Variants in APOBEC3F observed in about 807,000 individuals in gnomAD.
APOBEC3F encodes the protein DNA dC->dU-editing enzyme APOBEC-3F.
APOBEC3F carries 34 observed loss-of-function variants against 45.8 expected under a neutral mutation model. The ratio of observed to expected loss-of-function variants is 0.74; its 90% confidence interval spans 0.57 to 0.99. The LOEUF (loss-of-function observed/expected upper bound fraction) is 0.99. APOBEC3F is among the 50% of genes least tolerant of loss of function. The pLI, the probability that APOBEC3F is intolerant of heterozygous loss-of-function variation, is 0.00. For synonymous variants in APOBEC3F, 192 were observed against 174.4 expected (o/e 1.10, Z -0.80); for missense variants, 459 against 474.1 (o/e 0.97, Z 0.30).
At chr22:39,043,280 T>G (rs1033477236) in intron 2 of APOBEC3F, among the ~76,000 whole-genome samples, 190 bp downstream of exon 2, 3 of 150,606 alleles carry the variant, frequency 2.0e-5, no homozygotes, top group Non-Finnish European at 4.4e-5. Context: ...GGGTTTGCCT[T>G]TGCACAAAAG....
rs193095333 is a variant in APOBEC3F at position 39,052,979 on chromosome 22, T to C, written c.*284T>C. ...CCTGCCTTTTCCCATCTCCCCAGCA[T>C]AACCTAATATTTTTTTTTTTTTTTT... is the stretch of plus-strand genomic sequence containing the variant. On this transcript the variant is annotated 3_prime_UTR_variant, in exon 7 of 7. Transcript: ENST00000308521. 3 of 390,268 alleles carry C rather than the reference T, an allele frequency of 7.7e-6. No homozygotes were observed. The highest frequency in any genetic ancestry group is 1.2e-5 in the Non-Finnish European group (3 of 248,802). 24.2% of individuals were successfully genotyped at this position (390,268 alleles called of 1,614,324 possible). A position where few individuals can be genotyped will look rare whatever the true frequency, so the allele number is the denominator to read the frequency against.
intron 4 of APOBEC3F, among the ~76,000 whole-genome samples, chr22:39,048,592 G>A (rs966179933): frequency 2.0e-5 from 3 of 151,654 alleles, no homozygotes; most frequent in African/African-American, 7.3e-5. Context: ...CAGATCACAA[G>A]GTCAGGAGTT....
chr22:39,044,194 G>T (rs76919915), intron 2 of APOBEC3F: 20,414 of 1,610,330 alleles, frequency 0.013, 178 homozygotes, highest in Non-Finnish European at 0.015. Flanking sequence ...GCTGACCGCA[G>T]GCAGGGAACA....
In APOBEC3F at chr22:39,043,089, A is replaced by G. The variant is rs1173609112; in HGVS notation, c.170A>G (p.Gln57Arg). ...PRLDAKIFRG[Q>R]VYSQPEHHAE... is the part of the protein sequence containing the mutation. ...TTGGACGCAAAGATCTTTCGAGGCC[A>G]GGTACCACCCGGACTTCAATCACTT... The change falls in exon 2 of 7, where the codon CAG becomes CGG. Residue 57 changes from glutamine (Q) to arginine (R), a missense_variant and splice_region_variant. Gln to Arg is a conservative substitution (Grantham distance 43, BLOSUM62 1). Transcript: ENST00000308521. 3 of 1,613,970 alleles carry G rather than the reference A, an allele frequency of 1.9e-6. No homozygotes were observed. The Admixed American group carries it at 5.0e-5, about 27-fold the overall frequency.
At position 39,044,952 on chromosome 22, in the gene APOBEC3F, G is replaced by A; in HGVS notation, c.183G>A (p.Gln61=). The A allele has an allele frequency of 6.2e-7, 1 of 1,613,786 alleles. No homozygotes were observed. Among genetic ancestry groups the A allele is most frequent in the Non-Finnish European group, 8.5e-7 (1 of 1,179,954 alleles). ...TGCTCCTCTCCCAGGTGTATTCCCA[G>A]CCTGAGCACCACGCAGAAATGTGCT... is the stretch of plus-strand genomic sequence containing the variant. The part of the protein sequence containing the change: ...AKIFRGQVYS[Q]PEHHAEMCFL... Residue 61 remains glutamine, a synonymous_variant, in exon 3 of 7, where the codon CAG becomes CAA. Coordinates refer to ENST00000308521, the MANE Select transcript of APOBEC3F (RefSeq NM_145298.6).
chr22:39,040,902 C>T lies in APOBEC3F; in HGVS notation c.-59C>T, dbSNP rs1926845304. ...CTGTCCTGAAACCTGGAGCCTGGAG[C>T]AGAAAGTGAAACCCTGGTGCTCCAG... is the stretch of plus-strand genomic sequence containing the variant. On this transcript the variant is annotated 5_prime_UTR_variant, in exon 1 of 7. Transcript: ENST00000308521. The T allele has an allele frequency of 2.6e-6, 4 of 1,554,088 alleles. No homozygotes were observed. The highest frequency in any genetic ancestry group is 2.6e-6 in the Non-Finnish European group (3 of 1,148,170).
chr22:39,043,298 G>GGTT (rs1569068674), intron 2 of APOBEC3F, among the ~76,000 whole-genome samples: 4 of 120,070 alleles, frequency 3.3e-5, no homozygotes, highest in Non-Finnish European at 5.2e-5. Context: ...AAGGCCTTGT[G>GGTT]TTTTTTTTTT....
In APOBEC3F at chr22:39,049,431, G is replaced by T. The variant is rs33913356; in HGVS notation, c.573G>T (p.Pro191=). The change falls in exon 5 of 7, where the codon CCG becomes CCT. Residue 191 remains proline (P), a synonymous_variant. Transcript: ENST00000308521. The stretch of plus-strand genomic sequence containing the variant: ...TTCTCTATTGTGCCTTCAGAAACCC[G>T]ATGGAGGCAATGTATCCACACATAT... The part of the protein sequence containing the change: ...HRTLKEILRN[P]MEAMYPHIFY... The T allele has an allele frequency of 6.2e-7, 1 of 1,613,974 alleles. No homozygotes were observed. Among genetic ancestry groups the T allele is most frequent in the South Asian group, 1.1e-5 (1 of 91,062 alleles).
At chr22:39,046,422 G>C (rs995878405) in intron 4 of APOBEC3F, among the ~76,000 whole-genome samples, 1 of 151,994 alleles carries the variant, frequency 6.6e-6, no homozygotes, top group Admixed American at 6.6e-5. Context: ...TCTCCCAGGC[G>C]AGTCCTGCCC....
At chr22:39,041,470 A>G (rs1457692163) in intron 1 of APOBEC3F, among the ~76,000 whole-genome samples, 1 of 152,150 alleles carries the variant, frequency 6.6e-6, no homozygotes, top group Admixed American at 6.5e-5. Flanking sequence ...CGTATCTTCC[A>G]AGGATGTCTC....
At chr22:39,046,450 C>G (rs558304435) in intron 4 of APOBEC3F, among the ~76,000 whole-genome samples, 53 of 152,166 alleles carry the variant, frequency 3.5e-4, no homozygotes, top group Admixed American at 3.1e-3. Flanking sequence ...CACAGCCCCT[C>G]CCTCCAGACC....
At chr22:39,044,432 C>G (rs991457589) in intron 2 of APOBEC3F, 2 of 1,343,238 alleles carry the variant, frequency 1.5e-6, no homozygotes, top group African/African-American at 3.0e-5. Context: ...GAGTTCTGGC[C>G]TCTGGGAAGT....
rs1391194745 is a variant in APOBEC3F, at chr22:39,052,730, A to T, written c.*35A>T. ...CCGGGCCTCATGGTCTGTCTCCTCTAGCCTCCTGCTCATGTTGTGCAGGCC... is the reference window on the plus strand; with the variant it reads ...CCGGGCCTCATGGTCTGTCTCCTCTTGCCTCCTGCTCATGTTGTGCAGGCC... On this transcript the variant is annotated 3_prime_UTR_variant, in exon 7 of 7. Coordinates refer to ENST00000308521, the MANE Select transcript of APOBEC3F (RefSeq NM_145298.6). 3 of 1,595,298 alleles carry T rather than the reference A, an allele frequency of 1.9e-6. No individual in the cohort carries two copies. Among genetic ancestry groups the T allele is most frequent in the Admixed American group, 3.5e-5 (2 of 57,090 alleles).
chr22:39,044,033 A>T, intron 2 of APOBEC3F: 1 of 1,492,690 alleles, frequency 6.7e-7, no homozygotes. Flanking sequence ...CTCAAAACAA[A>T]AACAAAAAAC....
chr22:39,055,584 CCT>C lies in APOBEC3F; in HGVS notation c.*2895_*2896del, dbSNP rs887265753. The stretch of plus-strand genomic sequence containing the variant: ...GGGGTTTCACTGAGGAAGGAGACCA[CCT>C]CTCTCATTGTCTCCTATTTCAGAAG... On this transcript the variant is annotated 3_prime_UTR_variant, in exon 7 of 7. Coordinates refer to ENST00000308521, the MANE Select transcript of APOBEC3F (RefSeq NM_145298.6). Among the ~76,000 whole-genome samples, 24 of 152,226 alleles carry C rather than the reference CCT, an allele frequency of 1.6e-4. No homozygotes were observed. Among genetic ancestry groups the C allele is most frequent in the African/African-American group, 5.8e-4 (24 of 41,540 alleles).
rs1381299936 is a variant in APOBEC3F at position 39,045,096 on chromosome 22, G to A, written c.327G>A (p.Glu109=). 2 of 1,613,920 alleles carry A rather than the reference G, an allele frequency of 1.2e-6. No individual in the cohort carries two copies. ...CVAKLAEFLA[E]HPNVTLTISA... ...CGAAGCTGGCCGAATTCCTGGCTGA[G>A]CACCCCAATGTCACCCTGACCATCT... is the stretch of plus-strand genomic sequence containing the variant. The change falls in exon 3 of 7, where the codon GAG becomes GAA. Residue 109 remains glutamate, a synonymous_variant. Coordinates refer to ENST00000308521, the MANE Select transcript of APOBEC3F (RefSeq NM_145298.6).
Position 39,054,439 on chromosome 22 carries a change from C to T in APOBEC3F, c.*1744C>T, listed in dbSNP as rs1439761847. Among the ~76,000 whole-genome samples the T allele has an allele frequency of 6.6e-6, 1 of 152,022 alleles. No homozygotes were observed. Among genetic ancestry groups the T allele is most frequent in the East Asian group, 1.9e-4 (1 of 5,164 alleles). Reference sequence around the variant, plus strand: ...TAGAGACGGGGTTTCAACATCTTGACCAGGCTGGTCTTGAACTCCTGACCT... The same window carrying T: ...TAGAGACGGGGTTTCAACATCTTGATCAGGCTGGTCTTGAACTCCTGACCT... On this transcript the variant is annotated 3_prime_UTR_variant, in exon 7 of 7. Coordinates refer to ENST00000308521, the MANE Select transcript of APOBEC3F (RefSeq NM_145298.6).
rs1927155924 is a variant in APOBEC3F at position 39,045,283 on chromosome 22, T to C, written c.451+63T>C. ...GAACAGCATGAAAGATGGATGGATC[T>C]GCAATGCCATGGCTGGGGGTGTCCC... On this transcript the variant is annotated intron_variant, in intron 3 of 6. Transcript: ENST00000308521. The C allele has an allele frequency of 5.0e-6, 8 of 1,593,404 alleles. No individual in the cohort carries two copies. The South Asian group carries it at 9.2e-5, about 18-fold the overall frequency.
Position 39,052,080 on chromosome 22 carries a change from C to G in APOBEC3F, c.730C>G (p.Pro244Ala), listed in dbSNP as rs769618004. The G allele has an allele frequency of 1.9e-6, 3 of 1,611,534 alleles. No individual in the cohort carries two copies. Among genetic ancestry groups the G allele is most frequent in the Non-Finnish European group, 2.5e-6 (3 of 1,177,912 alleles). The stretch of plus-strand genomic sequence containing the variant: ...CCTCCTCCTCCTTCCCCAGGTGGAT[C>G]CTGAGACCCATTGTCATGCAGAAAG... ...KRGVFRNQVD[P>A]ETHCHAERCF... Residue 244 changes from proline (P) to alanine (A), a missense_variant, in exon 6 of 7, where the codon CCT (proline) becomes GCT (alanine). Coordinates refer to ENST00000308521, the MANE Select transcript of APOBEC3F (RefSeq NM_145298.6).
Sources: allele counts gnomAD v4.1 joint callset (sites outside exome capture counted in the v4.1 genomes callset), GRCh38; gene constraint gnomAD v4.1.1; transcripts MANE v1.5; gene names NCBI Gene and HGNC (gene_info 2026-07-23, HGNC 2026-07-21).